The following ABCB1 variants were observed in gnomAD, a reference collection of about 807,000 sequenced individuals.
ABCB1 encodes ATP binding cassette subfamily B member 1, also known as ATP-dependent translocase ABCB1.
A neutral mutation model predicts 142.0 loss-of-function variants in ABCB1; 69 were observed. That is an observed-to-expected ratio of 0.49 (90% CI 0.40 to 0.59). The LOEUF (loss-of-function observed/expected upper bound fraction) is 0.59. Among genes scored for constraint, ABCB1 ranks in the 20% least tolerant of loss-of-function variants. ABCB1 has a pLI of 0.00. For missense variants in ABCB1, 1,326 were observed against 1,554.7 expected, an observed-to-expected ratio of 0.85 and a Z score of 2.47; for synonymous variants, 532 against 539.2, an observed-to-expected ratio of 0.99 and a Z score of 0.18.
chr7:87,626,072 T>TG, intron 1 of ABCB1, among the ~76,000 whole-genome samples: 1 of 129,108 alleles, frequency 7.7e-6, no homozygotes, highest in East Asian at 2.2e-4. Context: ...TCGCCCAGGC[T>TG]GAGACATATA....
At chr7:87,667,862 T>C (rs1390955141) in intron 1 of ABCB1, among the ~76,000 whole-genome samples, 1 of 152,196 alleles carries the variant, frequency 6.6e-6, no homozygotes, top group Non-Finnish European at 1.5e-5. Context: ...ATTAGCTTTT[T>C]GATGTGCTGC....
intron 4 of ABCB1, among the ~76,000 whole-genome samples, chr7:87,573,935 T>C (rs142518991): frequency 6.6e-6 from 1 of 152,230 alleles, no homozygotes; most frequent in African/African-American, 2.4e-5. Context: ...CCTTTGAGGG[T>C]TGGAGAGGAA....
At chr7:87,706,423 A>C (rs1829590312) in intron 1 of ABCB1, among the ~76,000 whole-genome samples, 1 of 152,200 alleles carries the variant, frequency 6.6e-6, no homozygotes, top group South Asian at 2.1e-4. Flanking sequence ...AATCTAAAAC[A>C]GAGTCGATCC....
At chr7:87,551,188 A>C (rs1817051520) in intron 9 of ABCB1, among the ~76,000 whole-genome samples, 1 of 151,784 alleles carries the variant, frequency 6.6e-6, no homozygotes, top group African/African-American at 2.4e-5. Context: ...CACCTGACTA[A>C]TTTTTTTTAT....
chr7:87,667,900 A>T (rs1825426524), intron 1 of ABCB1, among the ~76,000 whole-genome samples: 1 of 151,966 alleles, frequency 6.6e-6, no homozygotes, highest in Non-Finnish European at 1.5e-5. Context: ...TATTTTGTTG[A>T]GGATTTTTGT....
At chr7:87,614,034 GACAA>G (rs771360574) in intron 1 of ABCB1, among the ~76,000 whole-genome samples, 1 of 151,642 alleles carries the variant, frequency 6.6e-6, no homozygotes. Context: ...TCTATTTTTG[GACAA>G]ACAATTCTAA....
intron 4 of ABCB1, among the ~76,000 whole-genome samples, chr7:87,578,754 C>T (rs1192764712): frequency 7.1e-5 from 10 of 140,678 alleles, no homozygotes; most frequent in East Asian, 4.2e-4. Context: ...AGTGCAGTGG[C>T]GGGATCTCGG....
At chr7:87,707,992 TATAAC>T (rs1829757860) in intron 1 of ABCB1, among the ~76,000 whole-genome samples, 1 of 151,938 alleles carries the variant, frequency 6.6e-6, no homozygotes, top group African/African-American at 2.4e-5. Context: ...ATAATGAAAA[TATAAC>T]ATATAAAAAC....
chr7:87,621,642 AATTT>A (rs1277228315), intron 1 of ABCB1, among the ~76,000 whole-genome samples: 3 of 152,142 alleles, frequency 2.0e-5, no homozygotes, highest in Non-Finnish European at 4.4e-5. Flanking sequence ...AAAAATTCAA[AATTT>A]CTATGGGAAA....
Position 87,509,462 on chromosome 7 carries a change from A to C in ABCB1, c.3302T>G (p.Ile1101Arg). The C allele has an allele frequency of 2.5e-6, 4 of 1,614,092 alleles. No homozygotes were observed. The highest frequency in any genetic ancestry group is 3.4e-6 in the Non-Finnish European group (4 of 1,180,022). The change falls in exon 26 of 28, where the codon ATA becomes AGA. Residue 1101 changes from isoleucine to arginine, a missense_variant. Ile to Arg is a moderately conservative substitution (Grantham distance 97). Coordinates refer to ENST00000622132, the MANE Select transcript of ABCB1 (RefSeq NM_001348946.2). ...GAGCCACTGAACATTCAGTCGCTTTATTTCTTTGCCATCAAGCAGCTGAAA... is the reference window on the plus strand; with the variant it reads ...GAGCCACTGAACATTCAGTCGCTTTCTTTCTTTGCCATCAAGCAGCTGAAA... ...AGKVLLDGKE[I>R]KRLNVQWLRA...
intron 25 of ABCB1, among the ~76,000 whole-genome samples, chr7:87,511,295 A>G (rs1177136256): frequency 6.6e-6 from 1 of 152,198 alleles, no homozygotes; most frequent in East Asian, 1.9e-4. Context: ...ACTCTGGGGA[A>G]TCTATGAGAA....
At chr7:87,522,483 A>G in intron 21 of ABCB1, 1 of 522,740 alleles carries the variant, frequency 1.9e-6, no homozygotes, top group Non-Finnish European at 3.7e-6. Context: ...GCTACAGTTT[A>G]CAACAGATTT....
intron 1 of ABCB1, chr7:87,709,211 T>C (rs1829858564): frequency 1.2e-5 from 12 of 983,082 alleles, no homozygotes; most frequent in Non-Finnish European, 1.4e-5. Flanking sequence ...GAAGCAAGAT[T>C]TTCCCTACAT....
chr7:87,614,233 A>C (rs1819955273), intron 1 of ABCB1, among the ~76,000 whole-genome samples: 1 of 152,096 alleles, frequency 6.6e-6, no homozygotes, highest in Admixed American at 6.6e-5. Context: ...CTGTCTCTAA[A>C]GAAAAATTAA....
At chr7:87,555,519 T>C (rs946168696) in intron 8 of ABCB1, among the ~76,000 whole-genome samples, 1 of 152,166 alleles carries the variant, frequency 6.6e-6, no homozygotes, top group Admixed American at 6.5e-5. Flanking sequence ...TTTAACTAGG[T>C]ACATTACAGA....
At chr7:87,513,523 C>T (rs1342083407) in intron 25 of ABCB1, among the ~76,000 whole-genome samples, 1 of 152,156 alleles carries the variant, frequency 6.6e-6, no homozygotes, top group African/African-American at 2.4e-5. Flanking sequence ...ACTATGAGTA[C>T]ATTAGTGGAT....
chr7:87,530,563 A>G (rs968245035), intron 21 of ABCB1, among the ~76,000 whole-genome samples: 1 of 152,126 alleles, frequency 6.6e-6, no homozygotes, highest in African/African-American at 2.4e-5. Flanking sequence ...TGGGAAAAAA[A>G]AGACAAGTAT....
At chr7:87,641,284 A>G (rs892005723) in intron 1 of ABCB1, among the ~76,000 whole-genome samples, 3 of 152,318 alleles carry the variant, frequency 2.0e-5, no homozygotes, top group African/African-American at 4.8e-5. Flanking sequence ...GATATCGCCA[A>G]CAGTTTACTA....
Position 87,570,210 on chromosome 7 carries a change from A to G in ABCB1, c.300T>C (p.Asp100=). 2 of 1,613,016 alleles carry G rather than the reference A, an allele frequency of 1.2e-6. No homozygotes were observed. The highest frequency in any genetic ancestry group is 2.2e-5 in the South Asian group (2 of 91,066). The change falls in exon 5 of 28, where the codon GAT becomes GAC. Residue 100 remains aspartate (D), a synonymous_variant. Coordinates refer to ENST00000622132, the MANE Select transcript of ABCB1 (RefSeq NM_001348946.2). ...CCTCCAGATTCATGAAGAACCCTGT[A>G]TCATTGATATCACCTAGACCACCAC... ...SNITNRSDIN[D]TGFFMNLEED...
Sources: gnomAD v4.1 joint callset for allele counts (sites outside exome capture counted in the v4.1 genomes callset) on GRCh38, gnomAD v4.1.1 for gene constraint, MANE v1.5 for transcripts, NCBI Gene and HGNC (gene_info 2026-07-23, HGNC 2026-07-21) for gene names.